MOB3B: variants seen among roughly 807,000 people sequenced by gnomAD.
MOB3B encodes the protein MOB kinase activator-like 2B.
MOB3B carries 7 observed loss-of-function variants against 18.7 expected under a neutral mutation model. The ratio of observed to expected loss-of-function variants is 0.37; its 90% CI spans 0.21 to 0.70. The LOEUF is 0.70. Among genes scored for constraint, MOB3B ranks in the 30% least tolerant of loss-of-function variants. The pLI, the probability that MOB3B is intolerant of heterozygous loss-of-function variation, is 0.52. For synonymous variants in MOB3B, 111 were observed against 99.9 expected (o/e 1.11, Z -0.66); for missense variants, 253 against 281.3 (o/e 0.90, Z 0.72).
intron 2 of MOB3B, chr9:27,378,551 G>A (rs749240333): frequency 6.2e-5 from 29 of 470,960 alleles, no homozygotes; most frequent in African/African-American, 3.0e-4. Flanking sequence ...CCAAAGGACC[G>A]TGAAGGTGAG....
chr9:27,504,911 G>T (rs1563885240), intron 1 of MOB3B, among the ~76,000 whole-genome samples: 1 of 152,126 alleles, frequency 6.6e-6, no homozygotes, highest in Non-Finnish European at 1.5e-5. Flanking sequence ...TCTGGAGGCT[G>T]CCTGCATTCC....
At chr9:27,505,589 T>TAC (rs1820046188) in intron 1 of MOB3B, among the ~76,000 whole-genome samples, 1 of 152,376 alleles carries the variant, frequency 6.6e-6, no homozygotes, top group East Asian at 1.9e-4. Flanking sequence ...GGGAATGCTG[T>TAC]ACTAGCTTAT....
chr9:27,333,733 G>C (rs146480715), intron 3 of MOB3B, among the ~76,000 whole-genome samples: 1 of 152,132 alleles, frequency 6.6e-6, no homozygotes, highest in African/African-American at 2.4e-5. Context: ...GTGGTCACTC[G>C]GTTTCATTTG....
At chr9:27,441,907 C>A (rs1822600131) in intron 2 of MOB3B, among the ~76,000 whole-genome samples, 1 of 152,216 alleles carries the variant, frequency 6.6e-6, no homozygotes, top group South Asian at 2.1e-4. Context: ...CCTTTCCAAC[C>A]ACATACTCAT....
At chr9:27,414,766 TTG>T (rs1263495123) in intron 2 of MOB3B, among the ~76,000 whole-genome samples, 7 of 152,318 alleles carry the variant, frequency 4.6e-5, no homozygotes, top group African/African-American at 1.7e-4. Context: ...AAGCAGCTGC[TTG>T]TAGGAATTGC....
chr9:27,342,548 G>C (rs1274656275), intron 3 of MOB3B, among the ~76,000 whole-genome samples: 3 of 151,920 alleles, frequency 2.0e-5, no homozygotes, highest in African/African-American at 4.8e-5. Context: ...CGCCATCTTG[G>C]CTCACCGCAA....
At chr9:27,503,762 AG>A (rs1820020740) in intron 1 of MOB3B, among the ~76,000 whole-genome samples, 2 of 152,228 alleles carry the variant, frequency 1.3e-5, no homozygotes, top group Non-Finnish European at 2.9e-5. Flanking sequence ...CTTTCAGCTG[AG>A]GGCCTCTCAA....
intron 3 of MOB3B, among the ~76,000 whole-genome samples, chr9:27,355,661 G>A (rs1021445531): frequency 2.7e-5 from 4 of 150,562 alleles, no homozygotes; most frequent in Admixed American, 6.6e-5. Flanking sequence ...CCGGGTTCAC[G>A]CCATTCTCCT....
rs181858110 is a variant in MOB3B at position 27,325,779 on chromosome 9, C to G, written c.*4808G>C. 122 of 152,254 alleles carry G rather than the reference C, an allele frequency of 8.0e-4. No individual in the cohort carries two copies. Among genetic ancestry groups the G allele is most frequent in the African/African-American group, 2.8e-3 (118 of 41,544 alleles). The allele number at this position is 152,254 out of a possible 1,614,324, so 9.4% of individuals were successfully genotyped here. ...CATTTCCTCAAAGATAATGGCTATA[C>G]TTTTCCCACAATCTTTTTGCTTTTG... On this transcript the variant is annotated 3_prime_UTR_variant, in exon 4 of 4. Transcript: ENST00000262244.
chr9:27,366,651 C>T (rs1281251443), intron 2 of MOB3B, among the ~76,000 whole-genome samples: 1 of 152,182 alleles, frequency 6.6e-6, no homozygotes, highest in African/African-American at 2.4e-5. Context: ...CTGTTTTCAT[C>T]ATTTTCCCTT....
At chr9:27,523,464 C>CAAAAAAAAAAAAAAAAAAAAAAAA in intron 1 of MOB3B, among the ~76,000 whole-genome samples, 1 of 141,738 alleles carries the variant, frequency 7.1e-6, no homozygotes, top group Middle Eastern at 3.6e-3. Flanking sequence ...TAAACTGCAC[C>CAAAAAAAAAAAAAAAAAAAAAAAA]AAAAAAAAAA....
chr9:27,487,177 T>A (rs188644232), intron 1 of MOB3B, among the ~76,000 whole-genome samples: 9 of 83,066 alleles, frequency 1.1e-4, no homozygotes, highest in Non-Finnish European at 2.7e-5. Context: ...ATTCTTAGCG[T>A]TGGGAGGCAA....
intron 2 of MOB3B, among the ~76,000 whole-genome samples, chr9:27,377,286 T>C (rs1587166374): frequency 6.6e-6 from 1 of 152,208 alleles, no homozygotes; most frequent in Non-Finnish European, 1.5e-5. Context: ...CCTAACTCTT[T>C]TCCAGGCCTA....
At chr9:27,482,414 G>C (rs1318625671) in intron 1 of MOB3B, among the ~76,000 whole-genome samples, 1 of 152,188 alleles carries the variant, frequency 6.6e-6, no homozygotes, top group African/African-American at 2.4e-5. Context: ...AAACGGCAAT[G>C]TTAAAAGGAA....
chr9:27,405,095 T>C (rs1035747123), intron 2 of MOB3B, among the ~76,000 whole-genome samples: 3 of 6,488 alleles, frequency 4.6e-4, no homozygotes, highest in Non-Finnish European at 9.9e-4. Context: ...ACCTTTGTCT[T>C]TTTTTTTTTT....
intron 2 of MOB3B, among the ~76,000 whole-genome samples, chr9:27,365,356 C>A (rs1821328895): frequency 7.4e-6 from 1 of 134,940 alleles, no homozygotes; most frequent in Non-Finnish European, 1.6e-5. Flanking sequence ...TGAAATCTTC[C>A]TTCTTCTCTT....
intron 1 of MOB3B, among the ~76,000 whole-genome samples, chr9:27,514,320 T>A (rs10738775): frequency 0.7 from 93,215 of 132,596 alleles, 31,102 homozygotes; most frequent in East Asian, 0.75. Context: ...TAAAGTCAAC[T>A]CAACGCAGAA....
At chr9:27,373,739 A>G (rs528835027) in intron 2 of MOB3B, among the ~76,000 whole-genome samples, 3 of 152,232 alleles carry the variant, frequency 2.0e-5, no homozygotes, top group Non-Finnish European at 2.9e-5. Context: ...TTTCCTGGGC[A>G]TCCAATGGCA....
At chr9:27,399,531 G>A (rs985731039) in intron 2 of MOB3B, among the ~76,000 whole-genome samples, 5 of 152,150 alleles carry the variant, frequency 3.3e-5, no homozygotes, top group Non-Finnish European at 7.4e-5. Flanking sequence ...TGGCTGAGAG[G>A]CAAGTTGCTG....
Sources: gnomAD v4.1 joint callset for allele counts (sites outside exome capture counted in the v4.1 genomes callset) on GRCh38, gnomAD v4.1.1 for gene constraint, MANE v1.5 for transcripts, NCBI Gene and HGNC (gene_info 2026-07-23, HGNC 2026-07-21) for gene names.